The following ITPR1 variants were observed in gnomAD, a reference collection of about 807,000 sequenced individuals.
ITPR1 encodes inositol 1,4,5-trisphosphate-gated calcium channel ITPR1.
Under a neutral mutation model 318.4 loss-of-function variants are expected in ITPR1, and 96 were observed. The observed-to-expected ratio is 0.30, with a 90% CI of 0.26 to 0.36. The LOEUF (loss-of-function observed/expected upper bound fraction) is 0.36, where lower values mean the gene tolerates loss of function less well. Among genes scored for constraint, ITPR1 ranks in the 10% least tolerant of loss-of-function variants. ITPR1 has a pLI of 1.00. For missense variants in ITPR1, 2,440 were observed against 3,460.2 expected, an observed-to-expected ratio of 0.71 and a Z score of 7.40; for synonymous variants, 1,312 against 1,289.9, an observed-to-expected ratio of 1.02 and a Z score of -0.37.
rs1384204766 is a variant in ITPR1 at position 4,732,945 on chromosome 3, C to T, written c.5221-143C>T. 9 of 828,460 alleles carry T rather than the reference C, an allele frequency of 1.1e-5. No homozygotes were observed. In the Admixed American group the frequency reaches 2.0e-4, roughly 19 times the overall value. The allele number at this position is 828,460 out of a possible 1,614,324, so 51.3% of individuals were successfully genotyped here. ...AATATTGAAGTTAACTTCAGAGTTT[C>T]TAAATGCTTCCATGAATAATTTATT... On this transcript the variant is annotated intron_variant, in intron 42 of 61. Transcript: ENST00000649015.
At chr3:4,545,664 G>C (rs1040137747) in intron 4 of ITPR1, among the ~76,000 whole-genome samples, 5 of 121,960 alleles carry the variant, frequency 4.1e-5, no homozygotes, top group African/African-American at 1.5e-4. Context: ...ATCTTTTTTT[G>C]TGTTCATATC....
Position 4,710,393 on chromosome 3 carries a change from T to G in ITPR1, c.4911T>G (p.Asp1637Glu). The G allele has an allele frequency of 6.4e-7, 1 of 1,563,746 alleles. No individual in the cohort carries two copies. The highest frequency in any genetic ancestry group is 8.7e-7 in the Non-Finnish European group (1 of 1,153,134). The change falls in exon 38 of 62, where the codon GAT becomes GAG. Residue 1637 changes from aspartate to glutamate, a missense_variant. Asp to Glu is a conservative substitution (Grantham distance 45, BLOSUM62 2). This residue lies in a region of ITPR1 where 166 missense variants were observed against 246.5 expected (regional missense o/e 0.67). Transcript: ENST00000649015. This position sits in a 1 kb window ranked among gnomAD's most constrained non-coding sequence, Gnocchi z 4.2. Reference sequence around the variant, plus strand: ...AGGCAGAGTTATCTGTGCTCGTGGATGTTCTCCACAGACCCGAGCTGCTTT... The same window carrying G: ...AGGCAGAGTTATCTGTGCTCGTGGAGGTTCTCCACAGACCCGAGCTGCTTT... The part of the protein sequence containing the change: ...LVQAELSVLV[D>E]VLHRPELLFP...
intron 60 of ITPR1, among the ~76,000 whole-genome samples, chr3:4,829,486 AAAG>A (rs1559970171): frequency 6.6e-6 from 1 of 152,338 alleles, no homozygotes; most frequent in Non-Finnish European, 1.5e-5. Flanking sequence ...AAAAAATTAA[AAAG>A]AATAAAAGGA....
chr3:4,563,316 C>T (rs1004896066), intron 4 of ITPR1, among the ~76,000 whole-genome samples: 16 of 151,858 alleles, frequency 1.1e-4, no homozygotes, highest in East Asian at 1.9e-4. Flanking sequence ...AAGACCAGCC[C>T]GGGCAACATA....
At chr3:4,656,051 C>G (rs2093700938) in intron 12 of ITPR1, among the ~76,000 whole-genome samples, 1 of 152,150 alleles carries the variant, frequency 6.6e-6, no homozygotes, top group Non-Finnish European at 1.5e-5. Context: ...TTGTGCTCGT[C>G]CTTCTAAATT....
rs563386608 is a variant in ITPR1, at chr3:4,810,957, C to G, written c.7273-308C>G. On this transcript the variant is annotated intron_variant, in intron 55 of 61. Transcript: ENST00000649015. ...GGATGCCAAGACCCTCATCACTTTC[C>G]TCTCCCTTTGTCTCTGAAACTCATT... Among the ~76,000 whole-genome samples, 26 of 152,346 alleles carry G rather than the reference C, an allele frequency of 1.7e-4. No individual in the cohort carries two copies. In the Middle Eastern group the frequency reaches 0.014, roughly 80 times the overall value.
rs1393572565 is a variant in ITPR1, at chr3:4,730,229, AAC to A, written c.5221-2857_5221-2856del. ...GAATCTCATCTTTAAAAAAAAAAAA[AAC>A]AAAAAAAAACCTTGCTCTCTGGTTT... On this transcript the variant is annotated intron_variant, in intron 42 of 61. Coordinates refer to ENST00000649015, the MANE Select transcript of ITPR1 (RefSeq NM_001378452.1). Among the ~76,000 whole-genome samples the A allele has an allele frequency of 1.9e-3, 276 of 146,558 alleles. 4 individuals carry two copies. The highest frequency in any genetic ancestry group is 5.2e-3 in the African/African-American group (209 of 39,868).
chr3:4,804,287 G>C (rs1192438637), intron 54 of ITPR1, among the ~76,000 whole-genome samples: 3 of 152,240 alleles, frequency 2.0e-5, no homozygotes, highest in Non-Finnish European at 4.4e-5. Context: ...GGAGGAGAAG[G>C]TGGGGTCCTA....
At chr3:4,537,801 T>G (rs1481371972) in intron 4 of ITPR1, among the ~76,000 whole-genome samples, 1 of 152,204 alleles carries the variant, frequency 6.6e-6, no homozygotes. Flanking sequence ...CTCCATGACT[T>G]TGAGAGAGTA....
chr3:4,651,135 A>G (rs1327415922), intron 10 of ITPR1, among the ~76,000 whole-genome samples: 2 of 152,108 alleles, frequency 1.3e-5, no homozygotes, highest in Non-Finnish European at 2.9e-5. Context: ...GCTTTCCAGA[A>G]TCAGGACTCC....
chr3:4,611,790 C>T (rs2092138719), intron 4 of ITPR1, among the ~76,000 whole-genome samples: 1 of 151,892 alleles, frequency 6.6e-6, no homozygotes, highest in Non-Finnish European at 1.5e-5. Context: ...TGAATACTTG[C>T]TTGGTTTTTA....
chr3:4,803,283 G>A (rs1288116703), intron 54 of ITPR1, among the ~76,000 whole-genome samples: 3 of 152,142 alleles, frequency 2.0e-5, no homozygotes, highest in African/African-American at 7.2e-5. Context: ...AGATTTGGGG[G>A]GGACACAGAA....
chr3:4,744,861 C>T (rs188014914), intron 44 of ITPR1, among the ~76,000 whole-genome samples: 48 of 151,886 alleles, frequency 3.2e-4, no homozygotes, highest in African/African-American at 1.1e-3. Context: ...CAGGCTGGGG[C>T]CTCCCTCCCT....
chr3:4,634,404 G>A (rs1170361973), intron 5 of ITPR1, among the ~76,000 whole-genome samples: 2 of 151,846 alleles, frequency 1.3e-5, no homozygotes, highest in Non-Finnish European at 2.9e-5. Flanking sequence ...AAGAGTTGGG[G>A]TTTTGCCACA....
chr3:4,527,101 G>A (rs1160951183), intron 4 of ITPR1, among the ~76,000 whole-genome samples: 7 of 152,154 alleles, frequency 4.6e-5, no homozygotes, highest in Non-Finnish European at 7.3e-5. Flanking sequence ...GACAAGTTAT[G>A]AGCTGGTCCA....
At chr3:4,584,406 T>C (rs2089665954) in intron 4 of ITPR1, among the ~76,000 whole-genome samples, 2 of 152,270 alleles carry the variant, frequency 1.3e-5, no homozygotes, top group South Asian at 4.1e-4. Context: ...TGTCTTAGCC[T>C]AAAAACGAAG....
At chr3:4,614,730 T>C (rs2092317237) in intron 4 of ITPR1, among the ~76,000 whole-genome samples, 1 of 152,214 alleles carries the variant, frequency 6.6e-6, no homozygotes, top group Non-Finnish European at 1.5e-5. Flanking sequence ...ATCTCTTTTC[T>C]GGAGGAAGAC....
intron 13 of ITPR1, among the ~76,000 whole-genome samples, chr3:4,660,160 A>T (rs1194732181): frequency 6.6e-6 from 1 of 152,180 alleles, no homozygotes; most frequent in Non-Finnish European, 1.5e-5. Context: ...TGGGTTTTAG[A>T]TCTTTGGAAT....
intron 54 of ITPR1, among the ~76,000 whole-genome samples, chr3:4,802,918 T>C (rs1340678950): frequency 6.6e-6 from 1 of 152,088 alleles, no homozygotes; most frequent in Non-Finnish European, 1.5e-5. Flanking sequence ...GTCAGAGCCT[T>C]ACCCCACCCA....
Sources: gnomAD v4.1 joint callset for allele counts (sites outside exome capture counted in the v4.1 genomes callset) on GRCh38, gnomAD v4.1.1 for gene constraint, gnomAD v4.1.1 regional missense constraint, Gnocchi (gnomAD v3.1) non-coding constraint, MANE v1.5 for transcripts, NCBI Gene and HGNC (gene_info 2026-07-23, HGNC 2026-07-21) for gene names.